The following PEAK1 variants were observed in gnomAD, a reference collection of about 807,000 sequenced individuals.
The protein encoded by PEAK1 is pseudopodium enriched atypical kinase 1.
In PEAK1, 54 loss-of-function variants were observed where a neutral mutation model predicts 124.7. The ratio of observed to expected loss-of-function variants is 0.43; its 90% CI spans 0.35 to 0.54. The LOEUF (loss-of-function observed/expected upper bound fraction) is 0.54. Ranked by LOEUF, PEAK1 falls within the 20% of genes least tolerant of loss-of-function variation. The pLI is 0.01. For missense variants in PEAK1, 2,046 were observed against 2,134.5 expected, an observed-to-expected ratio of 0.96 and a Z score of 0.82; for synonymous variants, 719 against 760.0, an observed-to-expected ratio of 0.95 and a Z score of 0.89.
downstream of PEAK1, chr15:77,107,583 G>C (rs1233633585): frequency 3.9e-5 from 6 of 152,248 alleles, no homozygotes; most frequent in Non-Finnish European, 7.3e-5. Context: ...TAATGCGGCA[G>C]TTGTTGCTAC....
chr15:77,348,782 T>G, intron 2 of PEAK1: 1 of 983,398 alleles, frequency 1.0e-6, no homozygotes, highest in Non-Finnish European at 1.2e-6. Context: ...ATATCTTTTT[T>G]TCTTTTTTGT....
At chr15:77,241,724 T>G (rs2060366627) in intron 6 of PEAK1, among the ~76,000 whole-genome samples, 1 of 151,078 alleles carries the variant, frequency 6.6e-6, no homozygotes, top group Admixed American at 6.6e-5. Flanking sequence ...TCAGATCAGC[T>G]CCAAATAAAA....
At chr15:77,412,742 C>G in intron 1 of PEAK1, among the ~76,000 whole-genome samples, 1 of 151,670 alleles carries the variant, frequency 6.6e-6, no homozygotes, top group Non-Finnish European at 1.5e-5. Context: ...TGAAAGGAAC[C>G]AAGGTTCCTT....
At chr15:77,238,484 G>A (rs1350740563) in intron 6 of PEAK1, among the ~76,000 whole-genome samples, 1 of 151,950 alleles carries the variant, frequency 6.6e-6, no homozygotes, top group East Asian at 1.9e-4. Flanking sequence ...CTCTTGTTTT[G>A]CTTTCTTTAT....
intron 6 of PEAK1, among the ~76,000 whole-genome samples, chr15:77,230,312 G>A (rs1384794654): frequency 1.3e-5 from 2 of 151,810 alleles, no homozygotes; most frequent in East Asian, 3.9e-4. Context: ...TGATTCTCCT[G>A]CCTCAGCCTC....
chr15:77,117,947 T>G (rs1443648314), intron 9 of PEAK1, among the ~76,000 whole-genome samples: 1 of 152,230 alleles, frequency 6.6e-6, no homozygotes, highest in East Asian at 1.9e-4. Flanking sequence ...GACAAGAATG[T>G]GGATACTACA....
intron 6 of PEAK1, among the ~76,000 whole-genome samples, chr15:77,214,928 G>A (rs1259538896): frequency 6.6e-6 from 1 of 152,172 alleles, no homozygotes; most frequent in Non-Finnish European, 1.5e-5. Flanking sequence ...AATTCGACAA[G>A]AGAATTGGGT....
At chr15:77,265,919 T>C (rs1478863997) in intron 5 of PEAK1, among the ~76,000 whole-genome samples, 4 of 152,166 alleles carry the variant, frequency 2.6e-5, no homozygotes, top group Admixed American at 6.5e-5. Context: ...TGGAATACTA[T>C]GCAGCCATAA....
chr15:77,119,233 G>A (rs2051686047), intron 9 of PEAK1, among the ~76,000 whole-genome samples: 1 of 152,202 alleles, frequency 6.6e-6, no homozygotes. Flanking sequence ...CACAGGAAAT[G>A]CCCGCTTGAG....
intron 2 of PEAK1, chr15:77,335,864 T>G (rs1176389557): frequency 8.1e-6 from 8 of 985,396 alleles, no homozygotes; most frequent in Non-Finnish European, 9.6e-6. Flanking sequence ...TCAAAGAGAC[T>G]TGACAACATG....
intron 2 of PEAK1, among the ~76,000 whole-genome samples, chr15:77,301,473 C>T (rs779422189): frequency 3.3e-5 from 5 of 152,096 alleles, no homozygotes; most frequent in African/African-American, 4.8e-5. Context: ...CTTAGGGGAG[C>T]GGGGATCATC....
chr15:77,311,709 AAAAG>A (rs903756331), intron 2 of PEAK1, among the ~76,000 whole-genome samples: 2 of 147,996 alleles, frequency 1.4e-5, no homozygotes, highest in African/African-American at 4.9e-5. Context: ...AAAAAAAAGA[AAAAG>A]AAAACTAAAG....
At chr15:77,221,158 T>G (rs977518595) in intron 6 of PEAK1, among the ~76,000 whole-genome samples, 2 of 152,126 alleles carry the variant, frequency 1.3e-5, no homozygotes, top group South Asian at 2.1e-4. Flanking sequence ...CTAGGTCTGA[T>G]GGTTATACAT....
At chr15:77,246,597 A>C (rs1182921489) in intron 6 of PEAK1, among the ~76,000 whole-genome samples, 1 of 152,192 alleles carries the variant, frequency 6.6e-6, no homozygotes, top group Admixed American at 6.5e-5. Flanking sequence ...GATTATTTTC[A>C]TGAGTGCTTT....
chr15:77,399,785 A>C (rs1255443402), intron 1 of PEAK1, among the ~76,000 whole-genome samples: 1 of 152,228 alleles, frequency 6.6e-6, no homozygotes, highest in Non-Finnish European at 1.5e-5. Context: ...CTCCATAAGC[A>C]CAGGCAACCA....
chr15:77,106,637 T>TACAGG (rs1375424934), downstream of PEAK1: 1 of 152,290 alleles, frequency 6.6e-6, no homozygotes, highest in Non-Finnish European at 1.5e-5. Flanking sequence ...GTGCTGGGAT[T>TACAGG]ACAGGTGTGA....
intron 2 of PEAK1, among the ~76,000 whole-genome samples, chr15:77,295,068 T>C (rs1302267724): frequency 6.6e-6 from 1 of 152,116 alleles, no homozygotes; most frequent in African/African-American, 2.4e-5. Flanking sequence ...AATCGAGTAA[T>C]AAATAAAACA....
intron 2 of PEAK1, chr15:77,349,885 C>A (rs2067102631): frequency 6.1e-6 from 6 of 985,100 alleles, no homozygotes; most frequent in Non-Finnish European, 7.2e-6. Context: ...AATATGGTAT[C>A]TAAAAAACAG....
At chr15:77,238,460 T>C (rs1184004538) in intron 6 of PEAK1, among the ~76,000 whole-genome samples, 2 of 152,200 alleles carry the variant, frequency 1.3e-5, no homozygotes, top group Non-Finnish European at 2.9e-5. Flanking sequence ...ACAGTAATTA[T>C]ATTTATTCTA....
Sources: gnomAD v4.1 joint callset for allele counts (sites outside exome capture counted in the v4.1 genomes callset) on GRCh38, gnomAD v4.1.1 for gene constraint, MANE v1.5 for transcripts, NCBI Gene and HGNC (gene_info 2026-07-23, HGNC 2026-07-21) for gene names.